GIT2: variants seen among roughly 807,000 people sequenced by gnomAD.
GIT2 encodes ARF GTPase-activating protein GIT2.
In GIT2, 32 loss-of-function variants were observed where a neutral mutation model predicts 100.3. The observed-to-expected ratio is 0.32, with a 90% confidence interval of 0.24 to 0.43. The LOEUF is 0.43. Among genes scored for constraint, GIT2 ranks in the 20% least tolerant of loss-of-function variants. The pLI is 1.00. For synonymous variants in GIT2, 353 were observed against 364.1 expected, an observed-to-expected ratio of 0.97 and a Z score of 0.35; for missense variants, 737 against 975.1, an observed-to-expected ratio of 0.76 and a Z score of 3.25.
chr12:109,984,883 T>C (rs1887032025), intron 4 of GIT2, among the ~76,000 whole-genome samples: 1 of 152,232 alleles, frequency 6.6e-6, no homozygotes, highest in South Asian at 2.1e-4. Context: ...CTGTGTAAGC[T>C]ACAGGATCCT....
chr12:109,966,623 G>A (rs538361011), intron 8 of GIT2, among the ~76,000 whole-genome samples: 4 of 151,714 alleles, frequency 2.6e-5, no homozygotes, highest in African/African-American at 9.7e-5. Context: ...ACCAGCCTGG[G>A]TAACAGAGCA....
upstream of GIT2, chr12:109,999,813 C>T (rs947953319): frequency 1.0e-5 from 15 of 1,500,246 alleles, no homozygotes; most frequent in African/African-American, 1.9e-4. The surrounding 1 kb of genome is among the most constrained non-coding windows in gnomAD (Gnocchi z 4.3). Flanking sequence ...GTCCGTCTCC[C>T]GGTGGGGACT....
At chr12:109,968,398 CTGT>C (rs1474490474) in intron 7 of GIT2, among the ~76,000 whole-genome samples, 3 of 151,912 alleles carry the variant, frequency 2.0e-5, no homozygotes, top group Non-Finnish European at 4.4e-5. Context: ...TGTTTTCTTA[CTGT>C]TGAGTTTTAA....
intron 18 of GIT2, among the ~76,000 whole-genome samples, chr12:109,936,942 A>G (rs1873200229): frequency 6.6e-6 from 1 of 151,966 alleles, no homozygotes; most frequent in Non-Finnish European, 1.5e-5. Flanking sequence ...ATATGAAGTC[A>G]CTCACTGCCA....
chr12:109,990,255 T>C (rs879456899), intron 2 of GIT2, among the ~76,000 whole-genome samples: 3 of 152,154 alleles, frequency 2.0e-5, no homozygotes, highest in Non-Finnish European at 2.9e-5. Context: ...AAAAAAAACA[T>C]GTATTACCTA....
At position 109,986,943 on chromosome 12, in the gene GIT2, C is replaced by T. The variant is rs550073415; in HGVS notation, c.405+2020G>A. ...TTGCACTACAGCCTGGACTACAGAG[C>T]GAGACTCTGTCTCAAAAAAATAAAA... On this transcript the variant is annotated intron_variant, in intron 4 of 19. Transcript: ENST00000355312. Among the ~76,000 whole-genome samples the T allele has an allele frequency of 2.0e-3, 302 of 151,180 alleles. 3 individuals carry two copies. The highest frequency in any genetic ancestry group is 7.0e-3 in the African/African-American group (290 of 41,142).
chr12:109,937,923 G>T (rs999285744), intron 18 of GIT2, among the ~76,000 whole-genome samples: 1 of 152,068 alleles, frequency 6.6e-6, no homozygotes, highest in Non-Finnish European at 1.5e-5. Flanking sequence ...GACTGGTCTC[G>T]AACTCCTGAC....
intron 12 of GIT2, 137 bp from the exon 13 acceptor site, chr12:109,953,371 G>A: frequency 1.2e-6 from 1 of 811,096 alleles, no homozygotes; most frequent in Non-Finnish European, 2.0e-6. Context: ...TGTAATCCCA[G>A]CATTCTAGGA....
chr12:109,958,139 T>A (rs1461271987), intron 12 of GIT2, among the ~76,000 whole-genome samples: 1 of 151,670 alleles, frequency 6.6e-6, no homozygotes, highest in African/African-American at 2.4e-5. Flanking sequence ...AGAGACGGGG[T>A]TTCACCATGT....
chr12:109,984,026 A>G (rs1886859376), intron 4 of GIT2, among the ~76,000 whole-genome samples: 2 of 152,198 alleles, frequency 1.3e-5, no homozygotes, highest in African/African-American at 2.4e-5. Context: ...GACATACGAC[A>G]GACCTGAATT....
At chr12:109,946,091 A>G (rs1419408925) in intron 15 of GIT2, among the ~76,000 whole-genome samples, 12 of 152,064 alleles carry the variant, frequency 7.9e-5, no homozygotes, top group South Asian at 2.1e-4. Context: ...CTGAGATCAC[A>G]CCACTGCACT....
chr12:109,989,857 G>A lies in GIT2; in HGVS notation c.187-55C>T, dbSNP rs182088704. On this transcript the variant is annotated intron_variant, in intron 2 of 19. Coordinates refer to ENST00000355312, the MANE Select transcript of GIT2 (RefSeq NM_057169.5). ...TAATTTCTTTTCACAAATATTCAAT[G>A]GGGATCAGTGACTGAACAGAGTAAA... The A allele has an allele frequency of 2.5e-5, 22 of 892,370 alleles. No individual in the cohort carries two copies. In the East Asian group the frequency reaches 5.0e-4, roughly 20 times the overall value. 55.3% of individuals were successfully genotyped at this position (892,370 alleles called of 1,614,324 possible). A position where few individuals can be genotyped will look rare whatever the true frequency, so the allele number is the denominator to read the frequency against.
Position 109,983,446 on chromosome 12 carries a change from C to A in GIT2, c.550G>T (p.Glu184Ter). The change falls in exon 6 of 20, where the codon GAA (glutamate) becomes TAA (stop). Residue 184 changes from glutamate to a stop codon, truncating the protein, a stop_gained. Coordinates refer to ENST00000355312, the MANE Select transcript of GIT2 (RefSeq NM_057169.5). LOFTEE classifies it high-confidence loss of function. ...TCTGCTCCATATACTGCCAATAATT[C>A]AGCCTGTAAAATCTGCCCTGCTTTG... Reference protein sequence around the residue: ...ASKAGQILQAELLAVYGADPG... With the variant: ...ASKAGQILQA 1 of 1,613,368 alleles carries A rather than the reference C, an allele frequency of 6.2e-7. No individual in the cohort carries two copies. Among genetic ancestry groups the A allele is most frequent in the Non-Finnish European group, 8.5e-7 (1 of 1,179,284 alleles).
intron 2 of GIT2, 37 bp downstream of exon 2, chr12:109,991,590 T>TAAATTACCA (rs745763619): frequency 5.5e-5 from 87 of 1,568,690 alleles, no homozygotes; most frequent in Non-Finnish European, 7.6e-5. Flanking sequence ...CCCTAAAATG[T>TAAATTACCA]AAATTACCAA....
chr12:109,938,504 CTG>C lies in GIT2; in HGVS notation c.1877_1878del (p.Thr626SerfsTer13), dbSNP rs1843102950. ...GGGCTTGGGGCCACATGGGGTTCTG[CTG>C]TGTCTGGTACCAAGCCATCCCCTGG... Reference protein sequence around the residue: ...VWPGDGLVPDTAEPHVAPSPT... With the variant: ...VWPGDGLVPDXAEPHVAPSPT... On this transcript the variant is annotated frameshift_variant, in exon 18 of 20. Transcript: ENST00000355312. LOFTEE classifies it high-confidence loss of function. 1 of 1,613,736 alleles carries C rather than the reference CTG, an allele frequency of 6.2e-7. No individual in the cohort carries two copies. Among genetic ancestry groups the C allele is most frequent in the South Asian group, 1.1e-5 (1 of 91,070 alleles).
intron 4 of GIT2, among the ~76,000 whole-genome samples, chr12:109,985,856 C>CA (rs962353977): frequency 4.6e-5 from 6 of 131,752 alleles, no homozygotes; most frequent in Admixed American, 4.3e-4. Flanking sequence ...CTAAAAAAAA[C>CA]AAAAACAAAA....
chr12:109,954,908 A>T (rs7955817), intron 12 of GIT2, among the ~76,000 whole-genome samples: 5,100 of 150,866 alleles, frequency 0.034, 195 homozygotes, highest in African/African-American at 0.089. Context: ...AAAAAAAAAA[A>T]AATAATAATA....
chr12:109,981,137 A>G (rs1817628117), intron 6 of GIT2, 91 bp from the exon 7 acceptor site: 1 of 818,598 alleles, frequency 1.2e-6, no homozygotes, highest in Non-Finnish European at 2.2e-6. Flanking sequence ...ACACCTGAGC[A>G]GTTTATCACA....
At chr12:109,995,743 A>G (rs535018287) in intron 1 of GIT2, among the ~76,000 whole-genome samples, 1 of 152,280 alleles carries the variant, frequency 6.6e-6, no homozygotes, top group African/African-American at 2.4e-5. Context: ...AGTCTCAGGG[A>G]GTGTCATCCT....
Sources: allele counts gnomAD v4.1 joint callset (sites outside exome capture counted in the v4.1 genomes callset), GRCh38; gene constraint gnomAD v4.1.1; non-coding constraint Gnocchi (gnomAD v3.1); transcripts MANE v1.5; gene names NCBI Gene and HGNC (gene_info 2026-07-23, HGNC 2026-07-21).